TNKS: variants seen among roughly 807,000 people sequenced by gnomAD.
TNKS encodes poly [ADP-ribose] polymerase tankyrase-1.
In TNKS, 72 loss-of-function variants were observed where a neutral mutation model predicts 135.8. The observed-to-expected ratio is 0.53, with a 90% CI of 0.44 to 0.64. The LOEUF is 0.64. Among genes scored for constraint, TNKS ranks in the 30% least tolerant of loss-of-function variants. The probability of loss-of-function intolerance (pLI) is 0.00; values close to 1 mark genes in which losing one functional copy is unlikely to be tolerated. For missense variants in TNKS, 1,769 were observed against 1,674.0 expected (o/e 1.06, Z -0.99); for synonymous variants, 849 against 649.3 (o/e 1.31, Z -4.68).
chr8:9,735,200 G>C, intron 16 of TNKS, 116 bp downstream of exon 16: 4 of 1,161,496 alleles, frequency 3.4e-6, no homozygotes, highest in Non-Finnish European at 4.8e-6. Context: ...AAATGCTCTT[G>C]ATTGACATAG....
At position 9,603,116 on chromosome 8, in the gene TNKS, G is replaced by A. The variant is rs562740595; in HGVS notation, c.899-12466G>A. 1.5e-3 allele frequency among the ~76,000 whole-genome samples: 223 copies of A among 151,982 alleles called. 1 individual carries two copies. The highest frequency in any genetic ancestry group is 5.1e-3 in the African/African-American group (212 of 41,436). ...CGCCCAGGCTGGAGTACAGTGGCGC[G>A]ATCTTGGCTCACTGCAACCTCCATC... is the stretch of plus-strand genomic sequence containing the variant. On this transcript the variant is annotated intron_variant, in intron 2 of 26. Transcript: ENST00000310430.
intron 3 of TNKS, among the ~76,000 whole-genome samples, chr8:9,667,839 GTT>G (rs35555078): frequency 0.017 from 2,126 of 127,488 alleles, 22 homozygotes; most frequent in Middle Eastern, 0.047. Context: ...GCCCTTCTGG[GTT>G]TTTTTTTTTT....
chr8:9,733,623 A>C (rs573035455), intron 15 of TNKS, among the ~76,000 whole-genome samples, 179 bp downstream of exon 15: 4 of 152,334 alleles, frequency 2.6e-5, no homozygotes, highest in African/African-American at 9.6e-5. Context: ...CGTAGTGCCT[A>C]AAGTGAATAT....
intron 3 of TNKS, among the ~76,000 whole-genome samples, chr8:9,653,653 T>C (rs1801230341): frequency 6.6e-6 from 1 of 152,108 alleles, no homozygotes; most frequent in South Asian, 2.1e-4. Context: ...AAGGCACTAA[T>C]CACTCTCACA....
intron 20 of TNKS, among the ~76,000 whole-genome samples, chr8:9,756,119 A>G (rs887521452): frequency 6.6e-6 from 1 of 152,160 alleles, no homozygotes; most frequent in Non-Finnish European, 1.5e-5. Flanking sequence ...CACTTGGAAG[A>G]CTGCTTGTGG....
At chr8:9,635,216 G>A (rs1015463852) in intron 3 of TNKS, among the ~76,000 whole-genome samples, 2 of 151,912 alleles carry the variant, frequency 1.3e-5, no homozygotes, top group Admixed American at 6.6e-5. Flanking sequence ...AAGAAATAAT[G>A]GAGACACATG....
At chr8:9,632,982 GC>G in intron 3 of TNKS, among the ~76,000 whole-genome samples, 1 of 152,258 alleles carries the variant, frequency 6.6e-6, no homozygotes, top group Admixed American at 6.5e-5. Flanking sequence ...GCCCGCCTCG[GC>G]CACCCAAAGT....
At chr8:9,594,713 G>A (rs1798709271) in intron 2 of TNKS, among the ~76,000 whole-genome samples, 1 of 151,998 alleles carries the variant, frequency 6.6e-6, no homozygotes, top group Non-Finnish European at 1.5e-5. Context: ...TTTAAAATCA[G>A]TCACCTGTTG....
At chr8:9,659,141 C>G (rs1386422395) in intron 3 of TNKS, among the ~76,000 whole-genome samples, 1 of 152,162 alleles carries the variant, frequency 6.6e-6, no homozygotes, top group Non-Finnish European at 1.5e-5. Context: ...TAATGGGAGA[C>G]TTTAACACCC....
chr8:9,586,430 C>T (rs1368117516), intron 2 of TNKS, among the ~76,000 whole-genome samples: 1 of 151,324 alleles, frequency 6.6e-6, no homozygotes, highest in Non-Finnish European at 1.5e-5. Flanking sequence ...GTTTTTTTTC[C>T]CATTATTTAT....
At chr8:9,587,224 G>C (rs916444864) in intron 2 of TNKS, among the ~76,000 whole-genome samples, 7 of 152,004 alleles carry the variant, frequency 4.6e-5, no homozygotes, top group African/African-American at 1.4e-4. Flanking sequence ...GAGGCAGAGA[G>C]AAAGTCAGAT....
Position 9,719,650 on chromosome 8 carries a change from C to T in TNKS, c.1750-724C>T, listed in dbSNP as rs1430672008. Among the ~76,000 whole-genome samples the T allele has an allele frequency of 5.9e-5, 9 of 152,230 alleles. 1 individual carries two copies. Among genetic ancestry groups the T allele is most frequent in the African/African-American group, 1.9e-4 (8 of 41,546 alleles). On this transcript the variant is annotated intron_variant, in intron 11 of 26. Coordinates refer to ENST00000310430, the MANE Select transcript of TNKS (RefSeq NM_003747.3). ...GTTTCTCTGAAAAGAGCAGCAAGCACAATGAACGTGGACTTGGGTCTGACT... is the reference window on the plus strand; with the variant it reads ...GTTTCTCTGAAAAGAGCAGCAAGCATAATGAACGTGGACTTGGGTCTGACT...
intron 3 of TNKS, among the ~76,000 whole-genome samples, chr8:9,672,565 T>G (rs1224121253): frequency 1.3e-5 from 2 of 150,324 alleles, no homozygotes; most frequent in Admixed American, 1.3e-4. Context: ...GAACAAAATG[T>G]AAAAACTATT....
intron 25 of TNKS, among the ~76,000 whole-genome samples, chr8:9,768,876 A>G (rs1807624492): frequency 1.3e-5 from 2 of 152,228 alleles, no homozygotes; most frequent in African/African-American, 2.4e-5. Flanking sequence ...TCAAAAAGCC[A>G]GTCCAGATAA....
intron 3 of TNKS, among the ~76,000 whole-genome samples, chr8:9,633,387 A>G (rs2128772655): frequency 6.6e-6 from 1 of 152,338 alleles, no homozygotes; most frequent in East Asian, 1.9e-4. Flanking sequence ...ACATCTGTAC[A>G]ATAGTGAAGT....
intron 11 of TNKS, among the ~76,000 whole-genome samples, chr8:9,715,401 G>A (rs1159009935): frequency 6.6e-6 from 1 of 152,008 alleles, no homozygotes; most frequent in Non-Finnish European, 1.5e-5. Context: ...AAGGGACAAG[G>A]CAAAGGAGAG....
intron 6 of TNKS, among the ~76,000 whole-genome samples, chr8:9,705,554 C>T (rs988074735): frequency 3.9e-5 from 6 of 152,306 alleles, no homozygotes; most frequent in Non-Finnish European, 5.9e-5. Context: ...CAGAAGAATT[C>T]TTCCATTTCC....
chr8:9,723,405 A>G (rs1166641732), intron 12 of TNKS, among the ~76,000 whole-genome samples: 3 of 102,318 alleles, frequency 2.9e-5, no homozygotes, highest in Admixed American at 2.6e-4. Context: ...ATTCATTTAA[A>G]TACACTTGTT....
intron 10 of TNKS, 47 bp downstream of exon 10, chr8:9,710,093 G>T: frequency 6.2e-7 from 1 of 1,610,834 alleles, no homozygotes. Flanking sequence ...AAGAGGAAAT[G>T]CAATAAAAGA....
Sources: gnomAD v4.1 joint callset for allele counts (sites outside exome capture counted in the v4.1 genomes callset) on GRCh38, gnomAD v4.1.1 for gene constraint, MANE v1.5 for transcripts, NCBI Gene and HGNC (gene_info 2026-07-23, HGNC 2026-07-21) for gene names.